The following TTC6 variants were observed in gnomAD, a reference collection of about 807,000 sequenced individuals.
TTC6 encodes the protein tetratricopeptide repeat domain 6.
In TTC6, 172 loss-of-function variants were observed where a neutral mutation model predicts 210.4. That is an observed-to-expected ratio of 0.82 (90% CI 0.72 to 0.93). TTC6 has a LOEUF of 0.93. Ranked by LOEUF, TTC6 falls within the 40% of genes least tolerant of loss-of-function variation. TTC6 has a pLI of 0.00. For synonymous variants in TTC6, 804 were observed against 819.6 expected, an observed-to-expected ratio of 0.98 and a Z score of 0.32; for missense variants, 2,414 against 2,318.1, an observed-to-expected ratio of 1.04 and a Z score of -0.85.
chr14:37,795,291 G>A (rs894004123), exon 18 of TTC6: 15 of 1,531,998 alleles, frequency 9.8e-6, no homozygotes, highest in African/African-American at 1.4e-5. Context: ...GAAAAAGGCA[G>A]TAAATGAATT....
chr14:37,680,891 G>A (rs1595097264), intron 2 of TTC6, among the ~76,000 whole-genome samples: 1 of 152,050 alleles, frequency 6.6e-6, no homozygotes, highest in Non-Finnish European at 1.5e-5. Context: ...CTGGAAATAT[G>A]ACCCCCACAT....
rs188786108 is a variant in TTC6 at position 37,604,552 on chromosome 14, G to C, written c.-234-2111G>C. Among the ~76,000 whole-genome samples the C allele has an allele frequency of 1.3e-4, 20 of 152,214 alleles. No individual in the cohort carries two copies. The East Asian group carries it at 3.5e-3, about 27-fold the overall frequency. On this transcript the variant is annotated intron_variant, in intron 1 of 2. Coordinates refer to the TTC6 transcript ENST00000556845. ...TGTCGGAGCCCGCCTGAATTTACTA[G>C]CTGAACTTGTAGGCGTTGGGTGTCT...
chr14:37,761,196 G>C (rs927902298), intron 14 of TTC6, among the ~76,000 whole-genome samples: 2 of 152,118 alleles, frequency 1.3e-5, no homozygotes, highest in African/African-American at 4.8e-5. Flanking sequence ...CATGGGAAAA[G>C]TGTAGTATCT....
rs2095609143 is a variant in TTC6 at position 37,598,615 on chromosome 14, A to T, written c.-235+2607A>T. Among the ~76,000 whole-genome samples the T allele has an allele frequency of 6.6e-6, 1 of 152,148 alleles. No individual in the cohort carries two copies. The highest frequency in any genetic ancestry group is 1.5e-5 in the Non-Finnish European group (1 of 68,014). Reference sequence around the variant, plus strand: ...CCTCAGATATTCACCAGGCAGGTAGAAGCAGAGGGAGACGACGGCGAAAGG... The same window carrying T: ...CCTCAGATATTCACCAGGCAGGTAGTAGCAGAGGGAGACGACGGCGAAAGG... On this transcript the variant is annotated intron_variant, in intron 1 of 2. Transcript: ENST00000556845. The surrounding 1 kb of genome is among the most constrained non-coding windows in gnomAD (Gnocchi z 4.9).
intron 20 of TTC6, chr14:37,802,299 T>G (rs2139393282): frequency 6.6e-6 from 1 of 152,176 alleles, no homozygotes; most frequent in Admixed American, 6.6e-5. Context: ...GCTTAATACT[T>G]AGGTGGTGGG....
At chr14:37,611,238 C>T (rs527653053) in intron 2 of TTC6, 1 of 151,430 alleles carries the variant, frequency 6.6e-6, no homozygotes, top group Non-Finnish European at 1.5e-5. Context: ...CGCGTCCTCT[C>T]TTCGGTGGAG....
At chr14:37,789,773 A>G (rs1204786658) in intron 15 of TTC6, among the ~76,000 whole-genome samples, 1 of 151,756 alleles carries the variant, frequency 6.6e-6, no homozygotes, top group Non-Finnish European at 1.5e-5. Context: ...ACATATCCCT[A>G]CTGTTAAGTG....
chr14:37,625,283 C>T (rs2095658269), intron 1 of TTC6, among the ~76,000 whole-genome samples: 1 of 151,904 alleles, frequency 6.6e-6, no homozygotes, highest in African/African-American at 2.4e-5. Flanking sequence ...CGCGGTGGCT[C>T]ACGCTTGTAA....
At chr14:37,812,175 T>G in intron 24 of TTC6, 139 bp from the exon 27 acceptor site, 1 of 826,374 alleles carries the variant, frequency 1.2e-6, no homozygotes, top group Non-Finnish European at 1.8e-6. Context: ...ATCTAACATA[T>G]GATTATTTTG....
At chr14:37,784,956 C>G (rs910103448) in intron 14 of TTC6, among the ~76,000 whole-genome samples, 3 of 152,230 alleles carry the variant, frequency 2.0e-5, no homozygotes, top group Admixed American at 6.5e-5. Context: ...GGCCCCCACT[C>G]TCTTCTGGCT....
At chr14:37,657,474 A>G (rs1170349757) in intron 1 of TTC6, among the ~76,000 whole-genome samples, 1 of 152,106 alleles carries the variant, frequency 6.6e-6, no homozygotes, top group Non-Finnish European at 1.5e-5. Context: ...GGAGAAAAGC[A>G]TAAACGAGGA....
intron 26 of TTC6, among the ~76,000 whole-genome samples, chr14:37,822,529 C>T (rs2096160420): frequency 6.6e-6 from 1 of 152,164 alleles, no homozygotes; most frequent in South Asian, 2.1e-4. Flanking sequence ...AAGATATAAT[C>T]TTTATTGGGT....
At chr14:37,622,172 C>T in exon 1 of TTC6, 1 of 1,535,524 alleles carries the variant, frequency 6.5e-7, no homozygotes, top group Non-Finnish European at 8.7e-7. Context: ...TTCTCCGATT[C>T]AAGCAGAAGT....
intron 17 of TTC6, among the ~76,000 whole-genome samples, chr14:37,794,047 C>T (rs1410770996): frequency 6.6e-6 from 1 of 152,162 alleles, no homozygotes; most frequent in Non-Finnish European, 1.5e-5. Flanking sequence ...TCTAAGGCTA[C>T]CTGGTAGTGG....
intron 25 of TTC6, among the ~76,000 whole-genome samples, chr14:37,814,070 G>C (rs1045963066): frequency 2.0e-5 from 3 of 152,112 alleles, no homozygotes; most frequent in African/African-American, 7.2e-5. Context: ...ATATAAACTA[G>C]ATCAAGTTAT....
chr14:37,628,919 A>T (rs982556921), intron 1 of TTC6, among the ~76,000 whole-genome samples: 3 of 151,960 alleles, frequency 2.0e-5, no homozygotes, highest in Non-Finnish European at 4.4e-5. Context: ...ATGGTTGTAG[A>T]TGTGTGGTGT....
rs116987157 is a variant in TTC6 at position 37,611,789 on chromosome 14, C to G, written c.-155+5047C>G. Reference sequence around the variant, plus strand: ...ACAGGGCAGCTTGTTTTGAGTAAACCTCAACCACCAGTAGGTGGTTGCCCC... The same window carrying G: ...ACAGGGCAGCTTGTTTTGAGTAAACGTCAACCACCAGTAGGTGGTTGCCCC... On this transcript the variant is annotated intron_variant, in intron 2 of 2. Transcript: ENST00000556845. Among the ~76,000 whole-genome samples the G allele has an allele frequency of 1.9e-3, 294 of 152,180 alleles. 1 individual carries two copies. The highest frequency in any genetic ancestry group is 3.5e-3 in the Non-Finnish European group (237 of 68,002).
At chr14:37,624,463 C>T (rs1205589205) in intron 1 of TTC6, among the ~76,000 whole-genome samples, 4 of 152,090 alleles carry the variant, frequency 2.6e-5, no homozygotes, top group South Asian at 2.1e-4. Flanking sequence ...CCAGAGGTCC[C>T]GTACAGTTGA....
intron 3 of TTC6, among the ~76,000 whole-genome samples, chr14:37,694,760 G>A (rs2095811372): frequency 6.6e-6 from 1 of 152,084 alleles, no homozygotes; most frequent in Non-Finnish European, 1.5e-5. Context: ...AAAAGAATGA[G>A]GCTGGGCACA....
Sources: allele counts gnomAD v4.1 joint callset (sites outside exome capture counted in the v4.1 genomes callset), GRCh38; gene constraint gnomAD v4.1.1; non-coding constraint Gnocchi (gnomAD v3.1); transcripts MANE v1.5; gene names NCBI Gene and HGNC (gene_info 2026-07-23, HGNC 2026-07-21).